KCNA10: variants seen among roughly 807,000 people sequenced by gnomAD.
The protein encoded by KCNA10 is potassium voltage-gated channel subfamily A member 10, also known as cyclic GMP gated potassium channel.
KCNA10 carries 16 observed loss-of-function variants against 21.4 expected under a neutral mutation model. The observed-to-expected ratio is 0.75, with a 90% CI of 0.51 to 1.14. The LOEUF is 1.14. Among genes scored for constraint, KCNA10 ranks in the 50% most tolerant of loss-of-function variants. The pLI is 0.00. For synonymous variants in KCNA10, 276 were observed against 245.9 expected (o/e 1.12, Z -1.15); for missense variants, 677 against 649.1 (o/e 1.04, Z -0.47).
In KCNA10 at chr1:110,518,673, C is replaced by T; in HGVS notation, c.115G>A (p.Gly39Ser). Residue 39 changes from glycine (G) to serine (S), a missense_variant, in exon 1 of 1, where the codon GGC becomes AGC. Physicochemically the swap from Gly to Ser is moderately conservative, Grantham distance 56. Coordinates refer to ENST00000369771, the MANE Select transcript of KCNA10 (RefSeq NM_005549.2). Reference sequence around the variant, plus strand: ...GAGAAGGAGCTGCCCCCAGGCCGGCCTTTTGGGCTGGTTGAGTCGAAGTCT... The same window carrying T: ...GAGAAGGAGCTGCCCCCAGGCCGGCTTTTTGGGCTGGTTGAGTCGAAGTCT... Reference protein sequence around the residue: ...ATDFDSTSPKGRPGGSSFSNG... With the variant: ...ATDFDSTSPKSRPGGSSFSNG... 2 of 1,614,198 alleles carry T rather than the reference C, an allele frequency of 1.2e-6. No individual in the cohort carries two copies. The highest frequency in any genetic ancestry group is 1.7e-6 in the Non-Finnish European group (2 of 1,180,038).
Position 110,518,084 on chromosome 1 carries a change from A to G in KCNA10, c.704T>C (p.Leu235Pro). ...VVVISITIFC[L>P]ETLPEFREDR... ...CTCCCGGAACTCTGGCAGTGTCTCCAGGCAGAAGATGGTGATGGAGATGAC... is the reference window on the plus strand; with the variant it reads ...CTCCCGGAACTCTGGCAGTGTCTCCGGGCAGAAGATGGTGATGGAGATGAC... Residue 235 changes from leucine (L) to proline (P), a missense_variant, in exon 1 of 1, where the codon CTG (leucine) becomes CCG (proline). By Grantham distance (98) the Leu-to-Pro change is moderately conservative (BLOSUM62 -3). Coordinates refer to ENST00000369771, the MANE Select transcript of KCNA10 (RefSeq NM_005549.2). The G allele has an allele frequency of 6.2e-7, 1 of 1,613,600 alleles. No homozygotes were observed. Among genetic ancestry groups the G allele is most frequent in the Non-Finnish European group, 8.5e-7 (1 of 1,179,900 alleles).
chr1:110,518,456 A>G lies in KCNA10; in HGVS notation c.332T>C (p.Leu111Pro). ...CATCCTTTTTTCCCGGTCTCCCAGG[A>G]GAGTCTCTGGGAACTGACTAAGGGT... ...LRTLSQFPET[L>P]LGDREKRMQF... The change falls in exon 1 of 1, where the codon CTC (leucine) becomes CCC (proline). Residue 111 changes from leucine to proline, a missense_variant. Transcript: ENST00000369771. 1.2e-6 allele frequency: 2 copies of G among 1,614,184 alleles called. No homozygotes were observed. The highest frequency in any genetic ancestry group is 2.7e-5 in the African/African-American group (2 of 75,058).
rs769703694 is a variant in KCNA10, at chr1:110,518,528, C to T, written c.260G>A (p.Arg87Gln). 23 of 1,614,074 alleles carry T rather than the reference C, an allele frequency of 1.4e-5. No homozygotes were observed. The highest frequency in any genetic ancestry group is 6.7e-5 in the African/African-American group (5 of 74,922). Reference sequence around the variant, plus strand: ...CAGCCCAGCAATGTTGATGATCACCCGCTGGTTTCCTTCATTTAGGACCAC... The same window carrying T: ...CAGCCCAGCAATGTTGATGATCACCTGCTGGTTTCCTTCATTTAGGACCAC... ...EPVVLNEGNQ[R>Q]VIINIAGLRF... is the part of the protein sequence containing the mutation. The change falls in exon 1 of 1, where the codon CGG becomes CAG. Residue 87 changes from arginine to glutamine, a missense_variant. Arg to Gln is a conservative substitution (Grantham distance 43). Coordinates refer to ENST00000369771, the MANE Select transcript of KCNA10 (RefSeq NM_005549.2).
In KCNA10 at chr1:110,518,367, T is replaced by G. The variant is rs763909105; in HGVS notation, c.421A>C (p.Ile141Leu). 110 of 1,614,094 alleles carry G rather than the reference T, an allele frequency of 6.8e-5. No homozygotes were observed. The highest frequency in any genetic ancestry group is 1.0e-5 in the Non-Finnish European group (12 of 1,180,040). Residue 141 changes from isoleucine (I) to leucine (L), a missense_variant, in exon 1 of 1, where the codon ATC (isoleucine) becomes CTC (leucine). Physicochemically the swap from Ile to Leu is conservative, Grantham distance 5. Transcript: ENST00000369771. ...FDRNRPSFDG[I>L]LYYYQSGGKI... ...CCACCAGATTGGTAATAATATAGGA[T>G]TCCATCAAAACTGGGCCGGTTCCGA...
rs951448890 is a variant in KCNA10, at chr1:110,518,223, G to T, written c.565C>A (p.Pro189Thr). The change falls in exon 1 of 1, where the codon CCT (proline) becomes ACT (threonine). Residue 189 changes from proline (P) to threonine (T), a missense_variant. Physicochemically the swap from Pro to Thr is conservative, Grantham distance 38 (BLOSUM62 -1). Coordinates refer to ENST00000369771, the MANE Select transcript of KCNA10 (RefSeq NM_005549.2). ...TCATTGGTGGGTAGCAGTGTTTCAG[G>T]GTCTTTGATGAAGCCTTCATCCTCC... ...FREDEGFIKD[P>T]ETLLPTNDIH... The T allele has an allele frequency of 6.2e-6, 10 of 1,613,814 alleles. No individual in the cohort carries two copies. The highest frequency in any genetic ancestry group is 1.6e-4 in the Middle Eastern group (1 of 6,062).
Position 110,518,505 on chromosome 1 carries a change from G to C in KCNA10, c.283C>G (p.Leu95Val). 2 of 1,614,196 alleles carry C rather than the reference G, an allele frequency of 1.2e-6. No homozygotes were observed. Among genetic ancestry groups the C allele is most frequent in the Non-Finnish European group, 1.7e-6 (2 of 1,180,040 alleles). ...GTTCTGAGCTGGGTCTCAAATCTCA[G>C]CCCAGCAATGTTGATGATCACCCGC... ...NQRVIINIAGLRFETQLRTLS... is the reference protein window; with the variant it reads ...NQRVIINIAGVRFETQLRTLS... Residue 95 changes from leucine (L) to valine (V), a missense_variant, in exon 1 of 1, where the codon CTG becomes GTG. Physicochemically the swap from Leu to Val is conservative, Grantham distance 32. Coordinates refer to ENST00000369771, the MANE Select transcript of KCNA10 (RefSeq NM_005549.2).
Position 110,518,093 on chromosome 1 carries a change from A to G in KCNA10, c.695T>C (p.Ile232Thr), listed in dbSNP as rs141420700. ...SVLVVVISIT[I>T]FCLETLPEFR... ...CTCTGGCAGTGTCTCCAGGCAGAAG[A>G]TGGTGATGGAGATGACCACAACCAA... is the stretch of plus-strand genomic sequence containing the variant. Residue 232 changes from isoleucine (I) to threonine (T), a missense_variant, in exon 1 of 1, where the codon ATC becomes ACC. Physicochemically the swap from Ile to Thr is moderately conservative, Grantham distance 89. Transcript: ENST00000369771. 2 of 1,613,300 alleles carry G rather than the reference A, an allele frequency of 1.2e-6. No homozygotes were observed. Among genetic ancestry groups the G allele is most frequent in the Non-Finnish European group, 1.7e-6 (2 of 1,179,812 alleles).
In KCNA10 at chr1:110,518,569, G is replaced by A. The variant is rs557447296; in HGVS notation, c.219C>T (p.Pro73=). ...FSKLPGDYAD[P]PGPEPVVLNE... The stretch of plus-strand genomic sequence containing the variant: ...TTAGGACCACTGGCTCAGGCCCTGG[G>A]GGGTCAGCATAGTCTCCCGGAAGCT... Residue 73 remains proline (P), a synonymous_variant, in exon 1 of 1, where the codon CCC becomes CCT. Coordinates refer to ENST00000369771, the MANE Select transcript of KCNA10 (RefSeq NM_005549.2). 1 of 1,614,164 alleles carries A rather than the reference G, an allele frequency of 6.2e-7. No homozygotes were observed. Among genetic ancestry groups the A allele is most frequent in the Admixed American group, 1.7e-5 (1 of 60,018 alleles).
rs1171682229 is a variant in KCNA10, at chr1:110,517,717, G to A, written c.1071C>T (p.His357=). 6.2e-7 allele frequency: 1 copy of A among 1,614,098 alleles called. No individual in the cohort carries two copies. Among genetic ancestry groups the A allele is most frequent in the African/African-American group, 1.3e-5 (1 of 74,942 alleles). The part of the protein sequence containing the change: ...RVFRIFKLSR[H]SKGLQILGQT... ...GCCCGAGGATCTGCAGCCCCTTGGA[G>A]TGGCGCGAGAGCTTGAAGATGCGGA... The change falls in exon 1 of 1, where the codon CAC becomes CAT. Residue 357 remains histidine (H), a synonymous_variant. Coordinates refer to ENST00000369771, the MANE Select transcript of KCNA10 (RefSeq NM_005549.2).
chr1:110,517,846 G>A lies in KCNA10; in HGVS notation c.942C>T (p.Pro314=). 2.5e-6 allele frequency: 4 copies of A among 1,614,096 alleles called. No individual in the cohort carries two copies. The highest frequency in any genetic ancestry group is 2.5e-6 in the Non-Finnish European group (3 of 1,180,000). Residue 314 remains proline, a synonymous_variant, in exon 1 of 1, where the codon CCC becomes CCT. Coordinates refer to ENST00000369771, the MANE Select transcript of KCNA10 (RefSeq NM_005549.2). ...MNIIDIISII[P]YFATLITELV... ...GCTCTGTGATGAGAGTTGCAAAGTA[G>A]GGGATAATGGAGATGATGTCAATGA... is the stretch of plus-strand genomic sequence containing the variant.
rs775578112 is a variant in KCNA10, at chr1:110,517,340, A to G, written c.1448T>C (p.Ile483Thr). Reference sequence around the variant, plus strand: ...CATTCTTGAGCCTACACTGTTGAGGATTCTTTCAATTTCTCCTGGGATGTT... The same window carrying G: ...CATTCTTGAGCCTACACTGTTGAGGGTTCTTTCAATTTCTCCTGGGATGTT... ...KQNIPGEIERILNSVGSRMGS... is the reference protein window; with the variant it reads ...KQNIPGEIERTLNSVGSRMGS... The change falls in exon 1 of 1, where the codon ATC becomes ACC. Residue 483 changes from isoleucine (I) to threonine (T), a missense_variant. Coordinates refer to ENST00000369771, the MANE Select transcript of KCNA10 (RefSeq NM_005549.2). The G allele has an allele frequency of 6.2e-7, 1 of 1,614,024 alleles. No homozygotes were observed. Among genetic ancestry groups the G allele is most frequent in the African/African-American group, 1.3e-5 (1 of 74,894 alleles).
In KCNA10 at chr1:110,518,335, A is replaced by G; in HGVS notation, c.453T>C (p.Ile151=). 6.2e-7 allele frequency: 1 copy of G among 1,614,206 alleles called. No individual in the cohort carries two copies. Reference sequence around the variant, plus strand: ...CAATGGGAACATTGGCTGGGCGCCGAATTTTCCCACCAGATTGGTAATAAT... The same window carrying G: ...CAATGGGAACATTGGCTGGGCGCCGGATTTTCCCACCAGATTGGTAATAAT... ...ILYYYQSGGK[I]RRPANVPIDI... is the part of the protein sequence containing the mutation. Residue 151 remains isoleucine (I), a synonymous_variant, in exon 1 of 1, where the codon ATT becomes ATC. Transcript: ENST00000369771.
chr1:110,518,354 T>C lies in KCNA10; in HGVS notation c.434A>G (p.Tyr145Cys). 1 of 1,614,166 alleles carries C rather than the reference T, an allele frequency of 6.2e-7. No individual in the cohort carries two copies. The highest frequency in any genetic ancestry group is 8.5e-7 in the Non-Finnish European group (1 of 1,180,020). Residue 145 changes from tyrosine to cysteine, a missense_variant, in exon 1 of 1, where the codon TAC (tyrosine) becomes TGC (cysteine). Coordinates refer to ENST00000369771, the MANE Select transcript of KCNA10 (RefSeq NM_005549.2). ...RPSFDGILYYYQSGGKIRRPA... is the reference protein window; with the variant it reads ...RPSFDGILYYCQSGGKIRRPA... Reference sequence around the variant, plus strand: ...GCGCCGAATTTTCCCACCAGATTGGTAATAATATAGGATTCCATCAAAACT... The same window carrying C: ...GCGCCGAATTTTCCCACCAGATTGGCAATAATATAGGATTCCATCAAAACT...
rs768218340 is a variant in KCNA10, at chr1:110,518,608, C to T, written c.180G>A (p.Glu60=). The T allele has an allele frequency of 6.2e-7, 1 of 1,614,178 alleles. No homozygotes were observed. Among genetic ancestry groups the T allele is most frequent in the Non-Finnish European group, 8.5e-7 (1 of 1,180,034 alleles). Residue 60 remains glutamate, a synonymous_variant, in exon 1 of 1, where the codon GAG becomes GAA. Coordinates refer to ENST00000369771, the MANE Select transcript of KCNA10 (RefSeq NM_005549.2). The stretch of plus-strand genomic sequence containing the variant: ...CTCCCGGAAGCTTGGAGAAGGCCGT[C>T]TCATGGTTGGTGCTTTCGCTGATGA... ...KILISESTNH[E]TAFSKLPGDY...
Position 110,517,763 on chromosome 1 carries a change from ATCC to A in KCNA10, c.1022_1024del (p.Arg341del). ...GCGGAAGACCCTCACCAGGCGGATG[ATCC>A]TCAGGATGGCCAGGGACATGTTCTG... On this transcript the variant is annotated inframe_deletion, in exon 1 of 1. Coordinates refer to ENST00000369771, the MANE Select transcript of KCNA10 (RefSeq NM_005549.2). 6.2e-7 allele frequency: 1 copy of A among 1,614,108 alleles called. No homozygotes were observed. The highest frequency in any genetic ancestry group is 2.2e-5 in the East Asian group (1 of 44,844).
At position 110,518,378 on chromosome 1, in the gene KCNA10, C is replaced by G; in HGVS notation, c.410G>C (p.Ser137Thr). ...GTAATAATATAGGATTCCATCAAAA[C>G]TGGGCCGGTTCCGATCAAAGAAATA... ...NEYFFDRNRP[S>T]FDGILYYYQS... The change falls in exon 1 of 1, where the codon AGT (serine) becomes ACT (threonine). Residue 137 changes from serine (S) to threonine (T), a missense_variant. Ser to Thr is a moderately conservative substitution (Grantham distance 58, BLOSUM62 1). Coordinates refer to ENST00000369771, the MANE Select transcript of KCNA10 (RefSeq NM_005549.2). 1 of 1,614,226 alleles carries G rather than the reference C, an allele frequency of 6.2e-7. No homozygotes were observed. The highest frequency in any genetic ancestry group is 8.5e-7 in the Non-Finnish European group (1 of 1,180,046).
In KCNA10 at chr1:110,517,668, C is replaced by A. The variant is rs767085869; in HGVS notation, c.1120G>T (p.Glu374Ter). The A allele has an allele frequency of 3.7e-6, 6 of 1,614,168 alleles. No homozygotes were observed. The East Asian group carries it at 1.1e-4, about 30-fold the overall frequency. The change falls in exon 1 of 1, where the codon GAG becomes TAG. Residue 374 changes from glutamate to a stop codon, truncating the protein, a stop_gained. Coordinates refer to ENST00000369771, the MANE Select transcript of KCNA10 (RefSeq NM_005549.2). LOFTEE classifies it high-confidence loss of function. ...AGAAAGAAGATGAGCAACCCCAACT[C>A]CCGCATGGACGCCTTCAGTGTTTGC... The part of the protein sequence containing the change: ...LGQTLKASMR[E>*]LGLLIFFLFI...
rs201611587 is a variant in KCNA10, at chr1:110,518,648, G to A, written c.140C>T (p.Ser47Phe). ...TTCGCTGATGAGGATCTTCCCGTTG[G>A]AGAAGGAGCTGCCCCCAGGCCGGCC... ...PKGRPGGSSF[S>F]NGKILISEST... is the part of the protein sequence containing the mutation. Residue 47 changes from serine (S) to phenylalanine (F), a missense_variant, in exon 1 of 1, where the codon TCC becomes TTC. Physicochemically the swap from Ser to Phe is radical, Grantham distance 155. Transcript: ENST00000369771. The A allele has an allele frequency of 7.9e-5, 128 of 1,614,216 alleles. No homozygotes were observed. The East Asian group carries it at 2.0e-3, about 25-fold the overall frequency.
chr1:110,517,748 C>A lies in KCNA10; in HGVS notation c.1040G>T (p.Arg347Met). The A allele has an allele frequency of 6.2e-7, 1 of 1,614,158 alleles. No homozygotes were observed. The highest frequency in any genetic ancestry group is 8.5e-7 in the Non-Finnish European group (1 of 1,180,022). Reference protein sequence around the residue: ...LAILRIIRLVRVFRIFKLSRH... With the variant: ...LAILRIIRLVMVFRIFKLSRH... ...CGAGAGCTTGAAGATGCGGAAGACC[C>A]TCACCAGGCGGATGATCCTCAGGAT... Residue 347 changes from arginine (R) to methionine (M), a missense_variant, in exon 1 of 1, where the codon AGG becomes ATG. Arg to Met is a moderately conservative substitution (Grantham distance 91). Transcript: ENST00000369771.
Sources: allele counts gnomAD v4.1 joint callset, GRCh38; gene constraint gnomAD v4.1.1; transcripts MANE v1.5; gene names NCBI Gene and HGNC (gene_info 2026-07-23, HGNC 2026-07-21).